ZNF318: variants seen among roughly 807,000 people sequenced by gnomAD.
ZNF318 encodes zinc finger protein 318.
ZNF318 carries 51 observed loss-of-function variants against 124.2 expected under a neutral mutation model. That is an observed-to-expected ratio of 0.41 (90% CI 0.33 to 0.52). The LOEUF is 0.52. Among genes scored for constraint, ZNF318 ranks in the 20% least tolerant of loss-of-function variants. ZNF318 has a pLI of 0.23. For synonymous variants in ZNF318, 1,090 were observed against 1,040.7 expected (o/e 1.05, Z -0.91); for missense variants, 2,815 against 2,811.2 (o/e 1.00, Z -0.03).
At chr6:43,340,739 AT>A in intron 9 of ZNF318, 50 bp downstream of exon 9, 1 of 1,560,006 alleles carries the variant, frequency 6.4e-7, no homozygotes, top group Non-Finnish European at 8.8e-7. Flanking sequence ...CAAAGTCAAA[AT>A]AATTACTTCA....
At chr6:43,358,194 C>T (rs1779637157) in intron 2 of ZNF318, among the ~76,000 whole-genome samples, 1 of 152,178 alleles carries the variant, frequency 6.6e-6, no homozygotes, top group African/African-American at 2.4e-5. Context: ...ACAAGATCTC[C>T]AGGTGATTTG....
Position 43,338,795 on chromosome 6 carries a change from G to C in ZNF318, c.5203C>G (p.Leu1735Val), listed in dbSNP as rs925524157. 1 of 1,614,146 alleles carries C rather than the reference G, an allele frequency of 6.2e-7. No individual in the cohort carries two copies. Among genetic ancestry groups the C allele is most frequent in the Non-Finnish European group, 8.5e-7 (1 of 1,180,028 alleles). The part of the protein sequence containing the change: ...GPPGVEPPPQ[L>V]LDIQCKESQK... The stretch of plus-strand genomic sequence containing the variant: ...GATTCTTTGCACTGTATATCTAACA[G>C]TTGAGGAGGTGGTTCTACACCAGGT... Residue 1735 changes from leucine to valine, a missense_variant, in exon 10 of 10, where the codon CTG becomes GTG. Coordinates refer to ENST00000361428, the MANE Select transcript of ZNF318 (RefSeq NM_014345.3).
At chr6:43,362,414 T>C (rs1035828461) in intron 2 of ZNF318, among the ~76,000 whole-genome samples, 7 of 150,808 alleles carry the variant, frequency 4.6e-5, no homozygotes, top group African/African-American at 2.4e-5. Context: ...GATTGCAGCA[T>C]TGCACTCCAG....
rs764820943 is a variant in ZNF318 at position 43,355,717 on chromosome 6, A to G, written c.1617T>C (p.Tyr539=). ...PDIEDEEKFL[Y]GDEEEDLKAE... ...CCTTTAAATCCTCTTCTTCATCCCCATAGAGAAATTTCTCCTCATCTTCAA... is the reference window on the plus strand; with the variant it reads ...CCTTTAAATCCTCTTCTTCATCCCCGTAGAGAAATTTCTCCTCATCTTCAA... Residue 539 remains tyrosine (Y), a synonymous_variant, in exon 4 of 10, where the codon TAT becomes TAC. Transcript: ENST00000361428. 3.7e-6 allele frequency: 6 copies of G among 1,613,938 alleles called. No homozygotes were observed.
intron 2 of ZNF318, among the ~76,000 whole-genome samples, chr6:43,361,788 C>G (rs1779684652): frequency 6.6e-6 from 1 of 152,130 alleles, no homozygotes; most frequent in Non-Finnish European, 1.5e-5. Flanking sequence ...ACTTGGCTAT[C>G]ATCCAAACCT....
At chr6:43,342,288 A>C in intron 7 of ZNF318, 77 bp from the exon 8 acceptor site, 1 of 1,211,982 alleles carries the variant, frequency 8.3e-7, no homozygotes, top group Non-Finnish European at 1.1e-6. Flanking sequence ...TTTTTCCCCC[A>C]TAATAAGACC....
Position 43,354,755 on chromosome 6 carries a change from T to C in ZNF318, c.2579A>G (p.Gln860Arg), listed in dbSNP as rs1454484413. Reference sequence around the variant, plus strand: ...TGGAATGGACACCTGGACAGGCACTTGGGCCGCAGGAATTGAGCCTCGCAG... The same window carrying C: ...TGGAATGGACACCTGGACAGGCACTCGGGCCGCAGGAATTGAGCCTCGCAG... ...ESLRGSIPAA[Q>R]VPVQVSIPSL... The change falls in exon 4 of 10, where the codon CAA (glutamine) becomes CGA (arginine). Residue 860 changes from glutamine (Q) to arginine (R), a missense_variant. Physicochemically the swap from Gln to Arg is conservative, Grantham distance 43. This residue lies in a region of ZNF318 where 1,377 missense variants were observed against 1,353.5 expected (regional missense o/e 1.02). Transcript: ENST00000361428. The C allele has an allele frequency of 1.9e-6, 3 of 1,614,186 alleles. No individual in the cohort carries two copies. The highest frequency in any genetic ancestry group is 1.7e-4 in the Middle Eastern group (1 of 6,034).
At position 43,368,475 on chromosome 6, in the gene ZNF318, ATTCATTTAAGCTAACAG is replaced by A. The variant is rs771659451; in HGVS notation, c.399+475_399+491del. Among the ~76,000 whole-genome samples the A allele has an allele frequency of 7.0e-4, 107 of 152,346 alleles. 1 individual carries two copies. Among genetic ancestry groups the A allele is most frequent in the Non-Finnish European group, 1.0e-4 (7 of 68,028 alleles). Reference sequence around the variant, plus strand: ...ACTTCATTCCGAAGCAGCAGCTCCAATTCATTTAAGCTAACAGTTTACACTCTAGACGTAAAGCCTGG... The same window carrying A: ...ACTTCATTCCGAAGCAGCAGCTCCAATTTACACTCTAGACGTAAAGCCTGG... On this transcript the variant is annotated intron_variant, in intron 1 of 9. Coordinates refer to ENST00000361428, the MANE Select transcript of ZNF318 (RefSeq NM_014345.3).
Position 43,339,612 on chromosome 6 carries a change from A to C in ZNF318, c.4386T>G (p.Ala1462=). 7.1e-7 allele frequency: 1 copy of C among 1,400,394 alleles called. No individual in the cohort carries two copies. The highest frequency in any genetic ancestry group is 3.7e-5 in the East Asian group (1 of 26,944). 86.7% of individuals were successfully genotyped at this position (1,400,394 alleles called of 1,614,324 possible). The part of the protein sequence containing the change: ...PPPPPVIPHP[A]APSAAQANAI... ...CATTTGCTTGAGCAGCAGACGGGGC[A>C]GCTGGATGAGGTATAACGGGGGGTG... Residue 1462 remains alanine (A), a synonymous_variant, in exon 10 of 10, where the codon GCT becomes GCG. Transcript: ENST00000361428. This position sits in a 1 kb window ranked among gnomAD's most constrained non-coding sequence, Gnocchi z 4.2.
intron 5 of ZNF318, 59 bp from the exon 6 acceptor site, chr6:43,348,684 A>C: frequency 1.3e-6 from 2 of 1,554,902 alleles, no homozygotes; most frequent in Non-Finnish European, 1.7e-6. Flanking sequence ...GTCATTTCTC[A>C]TTTACAAGCA....
chr6:43,354,946 T>A lies in ZNF318; in HGVS notation c.2388A>T (p.Ala796=), dbSNP rs1178461033. ...ACATGGGCCATCTGGAGGCTGCATATGCCATGTAGTGCCTATAGGCATCAA... is the reference window on the plus strand; with the variant it reads ...ACATGGGCCATCTGGAGGCTGCATAAGCCATGTAGTGCCTATAGGCATCAA... The part of the protein sequence containing the change: ...ASFDAYRHYM[A]YAASRWPMYP... Residue 796 remains alanine (A), a synonymous_variant, in exon 4 of 10, where the codon GCA becomes GCT. Transcript: ENST00000361428. The A allele has an allele frequency of 6.2e-7, 1 of 1,609,684 alleles. No individual in the cohort carries two copies. Among genetic ancestry groups the A allele is most frequent in the South Asian group, 1.1e-5 (1 of 90,420 alleles).
At position 43,346,996 on chromosome 6, in the gene ZNF318, A is replaced by C. The variant is rs145947215; in HGVS notation, c.3072+1328T>G. On this transcript the variant is annotated intron_variant, in intron 6 of 9. Coordinates refer to ENST00000361428, the MANE Select transcript of ZNF318 (RefSeq NM_014345.3). ...ATTTAATTATAAAATCAGATCTGTC[A>C]TAAATGTTAAGAAGGAAAATTACAA... 1.2e-4 allele frequency among the ~76,000 whole-genome samples: 18 copies of C among 152,338 alleles called. No individual in the cohort carries two copies. In the East Asian group the frequency reaches 3.1e-3, roughly 26 times the overall value.
At chr6:43,349,011 G>A (rs1267755849) in intron 5 of ZNF318, among the ~76,000 whole-genome samples, 4 of 152,212 alleles carry the variant, frequency 2.6e-5, no homozygotes, top group Non-Finnish European at 5.9e-5. Flanking sequence ...TCAAGCCTGG[G>A]TGATAGTGAG....
intron 2 of ZNF318, among the ~76,000 whole-genome samples, chr6:43,361,041 A>G (rs951888354): frequency 6.6e-6 from 1 of 152,210 alleles, no homozygotes; most frequent in African/African-American, 2.4e-5. Flanking sequence ...GCGAAAAATC[A>G]CTGAACTGTA....
At chr6:43,351,580 A>G (rs946741050) in intron 5 of ZNF318, among the ~76,000 whole-genome samples, 1 of 151,890 alleles carries the variant, frequency 6.6e-6, no homozygotes, top group Non-Finnish European at 1.5e-5. Flanking sequence ...GGACAAAATG[A>G]TGAAACCCCA....
intron 6 of ZNF318, among the ~76,000 whole-genome samples, chr6:43,345,853 T>C (rs1779431336): frequency 6.6e-6 from 1 of 152,176 alleles, no homozygotes; most frequent in South Asian, 2.1e-4. Flanking sequence ...ACATCTGTAA[T>C]ACTAGCACTT....
intron 6 of ZNF318, among the ~76,000 whole-genome samples, chr6:43,348,027 C>A (rs1442723362): frequency 6.6e-6 from 1 of 152,074 alleles, no homozygotes. Flanking sequence ...TATGAACCCC[C>A]CAAAAGGGTA....
Position 43,356,128 on chromosome 6 carries a change from G to T in ZNF318, c.1206C>A (p.Ser402Arg). ...GGTGATCCTGGCTGGAGCTGGTACT[G>T]CTGGAAAAACTCTCAAGCTGCAAAG... ...EPSMQLESFSSSTSSSQDHPL... is the reference protein window; with the variant it reads ...EPSMQLESFSRSTSSSQDHPL... Residue 402 changes from serine (S) to arginine (R), a missense_variant, in exon 4 of 10, where the codon AGC (serine) becomes AGA (arginine). Ser to Arg is a moderately radical substitution (Grantham distance 110). Coordinates refer to ENST00000361428, the MANE Select transcript of ZNF318 (RefSeq NM_014345.3). The T allele has an allele frequency of 6.2e-7, 1 of 1,610,948 alleles. No homozygotes were observed. Among genetic ancestry groups the T allele is most frequent in the Non-Finnish European group, 8.5e-7 (1 of 1,178,948 alleles).
At chr6:43,341,216 G>C (rs980296956) in intron 8 of ZNF318, among the ~76,000 whole-genome samples, 1 of 152,070 alleles carries the variant, frequency 6.6e-6, no homozygotes, top group Non-Finnish European at 1.5e-5. Context: ...AAGCATCTCA[G>C]GAAATATAAA....
Sources: gnomAD v4.1 joint callset for allele counts (sites outside exome capture counted in the v4.1 genomes callset) on GRCh38, gnomAD v4.1.1 for gene constraint, gnomAD v4.1.1 regional missense constraint, Gnocchi (gnomAD v3.1) non-coding constraint, MANE v1.5 for transcripts, NCBI Gene and HGNC (gene_info 2026-07-23, HGNC 2026-07-21) for gene names.